CYP2C19: variants seen among roughly 807,000 people sequenced by gnomAD.
CYP2C19 encodes cytochrome P450 2C19.
In CYP2C19, 59 loss-of-function variants were observed where a neutral mutation model predicts 40.9. That is an observed-to-expected ratio of 1.44 (90% CI 1.17 to 1.79). The LOEUF (loss-of-function observed/expected upper bound fraction) is 1.79, where lower values mean the gene tolerates loss of function less well. CYP2C19 is among the 40% of genes most tolerant of loss of function. The pLI is 0.00. For missense variants in CYP2C19, 754 were observed against 596.9 expected, an observed-to-expected ratio of 1.26 and a Z score of -2.74; for synonymous variants, 253 against 208.7, an observed-to-expected ratio of 1.21 and a Z score of -1.83.
chr10:94,827,737 T>G (rs1248490670), intron 6 of CYP2C19, among the ~76,000 whole-genome samples: 1 of 152,234 alleles, frequency 6.6e-6, no homozygotes, highest in Non-Finnish European at 1.5e-5. Context: ...GCTTTTCTAG[T>G]TCTTTTAATT....
chr10:94,815,568 G>A (rs1848989814), intron 5 of CYP2C19, among the ~76,000 whole-genome samples: 1 of 152,108 alleles, frequency 6.6e-6, no homozygotes, highest in Non-Finnish European at 1.5e-5. Flanking sequence ...TCTGAGTCTT[G>A]GCATATGCCT....
intron 5 of CYP2C19, among the ~76,000 whole-genome samples, chr10:94,806,547 A>T (rs555812508): frequency 1.3e-4 from 20 of 151,338 alleles, no homozygotes; most frequent in Admixed American, 1.1e-3. Context: ...CAATTTCTTC[A>T]CATTCTCACT....
chr10:94,795,839 T>A (rs1486182661), intron 5 of CYP2C19, among the ~76,000 whole-genome samples: 1 of 150,822 alleles, frequency 6.6e-6, no homozygotes, highest in Admixed American at 6.6e-5. Context: ...TCACCCACAC[T>A]TTGATGGGGT....
intron 6 of CYP2C19, among the ~76,000 whole-genome samples, chr10:94,825,868 C>T (rs1424854335): frequency 6.6e-6 from 1 of 150,994 alleles, no homozygotes; most frequent in Non-Finnish European, 1.5e-5. Flanking sequence ...TTTCAGCTTT[C>T]TACATATGGC....
At chr10:94,826,934 C>A (rs1849235456) in intron 6 of CYP2C19, among the ~76,000 whole-genome samples, 1 of 152,092 alleles carries the variant, frequency 6.6e-6, no homozygotes, top group Non-Finnish European at 1.5e-5. Context: ...TGGTTTTTGT[C>A]TTTGGTTCTG....
chr10:94,821,388 C>T (rs562650688), intron 6 of CYP2C19, among the ~76,000 whole-genome samples: 1 of 152,278 alleles, frequency 6.6e-6, no homozygotes, highest in East Asian at 1.9e-4. Flanking sequence ...GGAAACTCTT[C>T]TTATTGAAGG....
rs74497926 is a variant in CYP2C19 at position 94,822,572 on chromosome 10, T to G, written c.961+1935T>G. On this transcript the variant is annotated intron_variant, in intron 6 of 8. Coordinates refer to ENST00000371321, the MANE Select transcript of CYP2C19 (RefSeq NM_000769.4). ...GTCTTTTTGATAGAATGAATTTTTT[T>G]GGGGGGGCATATACTCAATAGTTGG... Among the ~76,000 whole-genome samples the G allele has an allele frequency of 8.7e-3, 1,328 of 152,184 alleles. 23 individuals are homozygous for G. The highest frequency in any genetic ancestry group is 0.062 in the East Asian group (320 of 5,170).
chr10:94,796,658 T>A (rs1848692968), intron 5 of CYP2C19, among the ~76,000 whole-genome samples: 1 of 152,172 alleles, frequency 6.6e-6, no homozygotes. Flanking sequence ...GTTTGTGTCC[T>A]GTTTTATTTC....
At chr10:94,840,094 G>A (rs980287359) in intron 6 of CYP2C19, among the ~76,000 whole-genome samples, 4 of 151,864 alleles carry the variant, frequency 2.6e-5, no homozygotes, top group African/African-American at 9.7e-5. Context: ...TGTTTCTACC[G>A]ACTGAATGCA....
chr10:94,798,838 T>TG (rs1554851114), intron 5 of CYP2C19, among the ~76,000 whole-genome samples: 2 of 129,196 alleles, frequency 1.5e-5, no homozygotes, highest in South Asian at 5.4e-4. Context: ...TTTTTTTTTT[T>TG]GCTGTCTATT....
chr10:94,829,151 C>T (rs1849284548), intron 6 of CYP2C19, among the ~76,000 whole-genome samples: 1 of 152,130 alleles, frequency 6.6e-6, no homozygotes, highest in Admixed American at 6.5e-5. Context: ...CTTGGAGTTG[C>T]TCTTCTTGAG....
Position 94,853,790 on chromosome 10 carries a change from C to T in CYP2C19, c.*876C>T, listed in dbSNP as rs553384741. On this transcript the variant is annotated 3_prime_UTR_variant, in exon 9 of 9. Transcript: ENST00000371321. ...CTCAATCTGCTGACCTCCTGATCTG[C>T]CTGCCTCAGCCTCCCAAAGTGCTGG... 6.6e-6 allele frequency among the ~76,000 whole-genome samples: 1 copy of T among 152,156 alleles called. No individual in the cohort carries two copies. The highest frequency in any genetic ancestry group is 2.1e-4 in the South Asian group (1 of 4,824).
At chr10:94,834,931 G>GA (rs1363210375) in intron 6 of CYP2C19, among the ~76,000 whole-genome samples, 6 of 152,166 alleles carry the variant, frequency 3.9e-5, no homozygotes, top group Non-Finnish European at 8.8e-5. Context: ...TGCTGTTGGG[G>GA]AGGTTGGCCG....
At chr10:94,851,687 T>A (rs1234980339) in intron 8 of CYP2C19, among the ~76,000 whole-genome samples, 1 of 152,062 alleles carries the variant, frequency 6.6e-6, no homozygotes, top group East Asian at 1.9e-4. Context: ...ATACCCCCTC[T>A]GTATCCTCAT....
At chr10:94,824,264 GTCTA>G (rs1849175813) in intron 6 of CYP2C19, among the ~76,000 whole-genome samples, 1 of 152,122 alleles carries the variant, frequency 6.6e-6, no homozygotes, top group African/African-American at 2.4e-5. Context: ...AAATTAGTGT[GTCTA>G]TCTGAGGGTG....
intron 7 of CYP2C19, among the ~76,000 whole-genome samples, chr10:94,849,347 TCAG>T (rs1482038122): frequency 6.6e-6 from 1 of 151,722 alleles, no homozygotes; most frequent in African/African-American, 2.4e-5. Flanking sequence ...ATTTTTTTCA[TCAG>T]CAGATTTTAT....
chr10:94,764,158 G>T (rs1183127731), intron 1 of CYP2C19, among the ~76,000 whole-genome samples: 2 of 152,090 alleles, frequency 1.3e-5, no homozygotes, highest in Admixed American at 1.3e-4. Flanking sequence ...AAGAGCAAAA[G>T]AACAAAGCTT....
In CYP2C19 at chr10:94,829,450, C is replaced by A. The variant is rs532007025; in HGVS notation, c.961+8813C>A. On this transcript the variant is annotated intron_variant, in intron 6 of 8. Transcript: ENST00000371321. ...CCTTTCTTCCAGTTGATCGCATTGG[C>A]TCCTGAGACTTCTGCATTCTTCACG... is the stretch of plus-strand genomic sequence containing the variant. Among the ~76,000 whole-genome samples the A allele has an allele frequency of 9.8e-5, 15 of 152,320 alleles. No homozygotes were observed. The East Asian group carries it at 2.9e-3, about 29-fold the overall frequency.
rs1434037693 is a variant in CYP2C19, at chr10:94,854,299, G to T, written c.*1385G>T. 1.3e-5 allele frequency among the ~76,000 whole-genome samples: 2 copies of T among 152,104 alleles called. No individual in the cohort carries two copies. The highest frequency in any genetic ancestry group is 2.4e-5 in the African/African-American group (1 of 41,420). On this transcript the variant is annotated 3_prime_UTR_variant, in exon 9 of 9. Transcript: ENST00000371321. ...CTCCCAAACTGCTGGGCTTACAGGC[G>T]TGAGCCACTGCACCTGGCTGAACAA...
Sources: gnomAD v4.1 joint callset for allele counts (sites outside exome capture counted in the v4.1 genomes callset) on GRCh38, gnomAD v4.1.1 for gene constraint, MANE v1.5 for transcripts, NCBI Gene and HGNC (gene_info 2026-07-23, HGNC 2026-07-21) for gene names.